The following ZNF585A variants were observed in gnomAD, a reference collection of about 807,000 sequenced individuals.
ZNF585A encodes the protein zinc finger protein 585A.
A neutral mutation model predicts 14.9 loss-of-function variants in ZNF585A; 9 were observed. The ratio of observed to expected loss-of-function variants is 0.60; its 90% CI spans 0.36 to 1.05. The LOEUF is 1.05. ZNF585A is among the 50% of genes least tolerant of loss of function. The pLI is 0.01. For missense variants in ZNF585A, 726 were observed against 926.4 expected (o/e 0.78, Z 2.81); for synonymous variants, 276 against 319.9 (o/e 0.86, Z 1.46).
intron 3 of ZNF585A, 130 bp downstream of exon 3, chr19:37,156,099 C>A (rs910676342): frequency 2.6e-6 from 4 of 1,551,066 alleles, no homozygotes; most frequent in Non-Finnish European, 3.5e-6. Context: ...GTGCCCTAAA[C>A]AAATAAAGAA....
chr19:37,151,125 G>A lies in ZNF585A; in HGVS notation c.*464C>T, dbSNP rs189313976. ...TCGAATGAGAAAGAAAAACACCCAGGAGTCTGTTACACAATGTGTTCCACA... is the reference window on the plus strand; with the variant it reads ...TCGAATGAGAAAGAAAAACACCCAGAAGTCTGTTACACAATGTGTTCCACA... On this transcript the variant is annotated 3_prime_UTR_variant, in exon 5 of 5. Transcript: ENST00000292841. The A allele has an allele frequency of 5.2e-6, 2 of 381,684 alleles. No homozygotes were observed. The highest frequency in any genetic ancestry group is 9.3e-6 in the Non-Finnish European group (2 of 215,844). 23.6% of individuals were successfully genotyped at this position (381,684 alleles called of 1,614,324 possible). A position where few individuals can be genotyped will look rare whatever the true frequency, so the allele number is the denominator to read the frequency against.
chr19:37,158,917 T>C (rs1971970608), intron 2 of ZNF585A, among the ~76,000 whole-genome samples: 1 of 152,104 alleles, frequency 6.6e-6, no homozygotes. Context: ...TAAAATAATC[T>C]AGCTGCTGAA....
chr19:37,164,369 C>T (rs559411150), intron 2 of ZNF585A, among the ~76,000 whole-genome samples: 2 of 151,588 alleles, frequency 1.3e-5, no homozygotes, highest in African/African-American at 4.8e-5. Flanking sequence ...CACCACTGCA[C>T]TCCAGCCGGG....
intron 2 of ZNF585A, among the ~76,000 whole-genome samples, chr19:37,161,397 G>T (rs1972010830): frequency 6.6e-6 from 1 of 152,168 alleles, no homozygotes; most frequent in Non-Finnish European, 1.5e-5. Context: ...ACTTAAGAAA[G>T]ATTATTTTCA....
chr19:37,163,500 C>A lies in ZNF585A; in HGVS notation c.72+6339G>T, dbSNP rs1023679617. Among the ~76,000 whole-genome samples the A allele has an allele frequency of 6.2e-5, 9 of 145,094 alleles. No individual in the cohort carries two copies. The East Asian group carries it at 1.6e-3, about 26-fold the overall frequency. ...AGTCTCCCTGAAAAAAATGAGAAGACCCTGCAAAAACACAAAAGGTGGCAA... is the reference window on the plus strand; with the variant it reads ...AGTCTCCCTGAAAAAAATGAGAAGAACCTGCAAAAACACAAAAGGTGGCAA... On this transcript the variant is annotated intron_variant, in intron 2 of 4. Coordinates refer to ENST00000292841, the MANE Select transcript of ZNF585A (RefSeq NM_001288800.2).
In ZNF585A at chr19:37,147,785, G is replaced by C. The variant is rs1375061533; in HGVS notation, c.*3804C>G. 1 of 152,086 alleles carries C rather than the reference G, an allele frequency of 6.6e-6. No individual in the cohort carries two copies. Among genetic ancestry groups the C allele is most frequent in the African/African-American group, 2.4e-5 (1 of 41,390 alleles). The allele number at this position is 152,086 out of a possible 1,614,324, so 9.4% of individuals were successfully genotyped here. ...AAATCTTTTATCAAATGTAATTCAA[G>C]TTATCACATGGTTTACCTAAAATAC... On this transcript the variant is annotated 3_prime_UTR_variant, in exon 5 of 5. Coordinates refer to ENST00000292841, the MANE Select transcript of ZNF585A (RefSeq NM_001288800.2).
chr19:37,151,095 T>C lies in ZNF585A; in HGVS notation c.*494A>G, dbSNP rs967479191. The C allele has an allele frequency of 2.9e-6, 1 of 349,092 alleles. No individual in the cohort carries two copies. The highest frequency in any genetic ancestry group is 2.1e-5 in the African/African-American group (1 of 47,632). The allele number at this position is 349,092 out of a possible 1,614,324, so 21.6% of individuals were successfully genotyped here. On this transcript the variant is annotated 3_prime_UTR_variant, in exon 5 of 5. Transcript: ENST00000292841. ...GAGGGTTGGATATGACCAACTGTGGTAGATTCGAATGAGAAAGAAAAACAC... is the reference window on the plus strand; with the variant it reads ...GAGGGTTGGATATGACCAACTGTGGCAGATTCGAATGAGAAAGAAAAACAC...
In ZNF585A at chr19:37,151,014, T is replaced by A; in HGVS notation, c.*575A>T. On this transcript the variant is annotated 3_prime_UTR_variant, in exon 5 of 5. Coordinates refer to ENST00000292841, the MANE Select transcript of ZNF585A (RefSeq NM_001288800.2). ...ATTCTGAGGTTTACGTCTGTATACA[T>A]AAAGGTTTTTTCTTTTTTTTTTTGT... is the stretch of plus-strand genomic sequence containing the variant. The A allele has an allele frequency of 5.1e-6, 1 of 195,280 alleles. No homozygotes were observed. 12.1% of individuals were successfully genotyped at this position (195,280 alleles called of 1,614,324 possible).
intron 2 of ZNF585A, chr19:37,165,759 T>A: frequency 1.7e-6 from 1 of 576,414 alleles, no homozygotes; most frequent in South Asian, 7.7e-5. Context: ...TATTATTCTT[T>A]ACCCAAAACT....
At chr19:37,155,984 G>C (rs1234360164) in intron 3 of ZNF585A, 27 bp from the exon 4 acceptor site, 6 of 1,613,554 alleles carry the variant, frequency 3.7e-6, no homozygotes, top group Non-Finnish European at 5.1e-6. Context: ...ATAAAGGTCT[G>C]GGTCCAGCTA....
chr19:37,172,602 C>G (rs1164514159), intron 1 of ZNF585A, 25 bp downstream of exon 1: 2 of 152,286 alleles, frequency 1.3e-5, no homozygotes, highest in Non-Finnish European at 2.9e-5. Context: ...CCACAGAAAC[C>G]CCAATCGTGA....
chr19:37,166,023 C>A (rs1177864731), intron 2 of ZNF585A, among the ~76,000 whole-genome samples: 1 of 151,942 alleles, frequency 6.6e-6, no homozygotes, highest in Non-Finnish European at 1.5e-5. Flanking sequence ...TTGTTACATT[C>A]TTTTGTCTTT....
At position 37,169,859 on chromosome 19, in the gene ZNF585A, C is replaced by T. The variant is rs576631415; in HGVS notation, c.52G>A (p.Asp18Asn). The T allele has an allele frequency of 3.1e-6, 5 of 1,613,210 alleles. No individual in the cohort carries two copies. In the African/African-American group the frequency reaches 6.7e-5, roughly 21 times the overall value. Residue 18 changes from aspartate (D) to asparagine (N), a missense_variant, in exon 2 of 5, where the codon GAT becomes AAT. This residue lies in a region of ZNF585A where 483 missense variants were observed against 542.8 expected (regional missense o/e 0.89). Transcript: ENST00000292841. ...PQKSSALAPE[D>N]HGSSYEGSVS... ...CTCACCTCATAGGAGCTGCCATGAT[C>T]CTCTGGAGCCAGGGCTGAGGATTTC...
chr19:37,172,003 T>C (rs1972190863), intron 1 of ZNF585A, among the ~76,000 whole-genome samples: 2 of 152,112 alleles, frequency 1.3e-5, no homozygotes, highest in South Asian at 4.1e-4. Context: ...AGTTGAGTAC[T>C]TTACCTTCCT....
At chr19:37,158,522 G>A (rs558159148) in intron 2 of ZNF585A, among the ~76,000 whole-genome samples, 2 of 152,304 alleles carry the variant, frequency 1.3e-5, no homozygotes, top group South Asian at 4.1e-4. Context: ...GAGTGGGAAG[G>A]AGAGTGAAAC....
At chr19:37,158,536 C>T (rs911751161) in intron 2 of ZNF585A, among the ~76,000 whole-genome samples, 2 of 152,158 alleles carry the variant, frequency 1.3e-5, no homozygotes, top group Admixed American at 6.5e-5. Context: ...GTGAAACGTA[C>T]TGAACAATAT....
intron 4 of ZNF585A, 37 bp downstream of exon 4, chr19:37,155,828 A>G: frequency 6.2e-7 from 1 of 1,606,296 alleles, no homozygotes; most frequent in Non-Finnish European, 8.5e-7. Flanking sequence ...ATTTCCTCCC[A>G]TCTCCCATCT....
chr19:37,151,042 C>A lies in ZNF585A; in HGVS notation c.*547G>T. On this transcript the variant is annotated 3_prime_UTR_variant, in exon 5 of 5. Transcript: ENST00000292841. ...AGGTTTTTTCTTTTTTTTTTTGTAG[C>A]ATCTCTTTCTTGATAGAAATACTGA... 4.0e-6 allele frequency: 1 copy of A among 249,328 alleles called. No individual in the cohort carries two copies. The highest frequency in any genetic ancestry group is 7.6e-6 in the Non-Finnish European group (1 of 131,550). 15.4% of individuals were successfully genotyped at this position (249,328 alleles called of 1,614,324 possible).
At chr19:37,161,981 T>C (rs1447682957) in intron 2 of ZNF585A, among the ~76,000 whole-genome samples, 1 of 152,188 alleles carries the variant, frequency 6.6e-6, no homozygotes, top group Non-Finnish European at 1.5e-5. Flanking sequence ...TGCAGTGCAG[T>C]GGCGCAATCT....
Sources: allele counts gnomAD v4.1 joint callset (sites outside exome capture counted in the v4.1 genomes callset), GRCh38; gene constraint gnomAD v4.1.1; regional missense constraint gnomAD v4.1.1; transcripts MANE v1.5; gene names NCBI Gene and HGNC (gene_info 2026-07-23, HGNC 2026-07-21).